Variants in LCOR observed in about 807,000 individuals in gnomAD.
LCOR encodes ligand dependent nuclear receptor corepressor, also known as ligand-dependent corepressor.
LCOR carries 14 observed loss-of-function variants against 64.4 expected under a neutral mutation model. The ratio of observed to expected loss-of-function variants is 0.22; its 90% CI spans 0.14 to 0.34. LCOR has a LOEUF of 0.34. Among genes scored for constraint, LCOR ranks in the 10% least tolerant of loss-of-function variants. The pLI is 1.00. For missense variants in LCOR, 1,686 were observed against 1,765.3 expected, an observed-to-expected ratio of 0.96 and a Z score of 0.80; for synonymous variants, 643 against 642.5, an observed-to-expected ratio of 1.00 and a Z score of -0.01.
chr10:96,877,354 A>G lies in LCOR; in HGVS notation c.-329-29911A>G, dbSNP rs76932421. Among the ~76,000 whole-genome samples the G allele has an allele frequency of 1.0e-2, 1,520 of 152,024 alleles. 22 individuals are homozygous for G. The highest frequency in any genetic ancestry group is 0.031 in the African/African-American group (1,299 of 41,474). On this transcript the variant is annotated intron_variant, in intron 2 of 7. Coordinates refer to ENST00000421806, the MANE Select transcript of LCOR (RefSeq NM_001346516.2). The stretch of plus-strand genomic sequence containing the variant: ...GACTGGGCAACATGGTGAAAACCCT[A>G]TCTCTACAAAACATTCAAAAATTAG...
rs754373599 is a variant in LCOR at position 96,983,798 on chromosome 10, A to C, written c.3338A>C (p.Asn1113Thr). 2 of 1,614,066 alleles carry C rather than the reference A, an allele frequency of 1.2e-6. No individual in the cohort carries two copies. The highest frequency in any genetic ancestry group is 4.5e-5 in the East Asian group (2 of 44,892). ...AEEENQELIA[N>T]FNAQYMKVQK... ...GAGGAGAACCAAGAGCTCATCGCCA[A>C]CTTCAATGCCCAGTACATGAAAGTT... is the stretch of plus-strand genomic sequence containing the variant. Residue 1113 changes from asparagine to threonine, a missense_variant, in exon 8 of 8, where the codon AAC (asparagine) becomes ACC (threonine). By Grantham distance (65) the Asn-to-Thr change is moderately conservative. This residue lies in a region of LCOR where 1,293 missense variants were observed against 1,410.4 expected (regional missense o/e 0.92). Coordinates refer to ENST00000421806, the MANE Select transcript of LCOR (RefSeq NM_001346516.2). This position sits in a 1 kb window ranked among gnomAD's most constrained non-coding sequence, Gnocchi z 4.5.
In LCOR at chr10:96,985,162, CTG is replaced by C; in HGVS notation, c.*30_*31del. 6.4e-7 allele frequency: 1 copy of C among 1,565,618 alleles called. No individual in the cohort carries two copies. On this transcript the variant is annotated 3_prime_UTR_variant, in exon 8 of 8. Transcript: ENST00000421806. ...GGAAAGATGGTAGCCAAGAGTAAAA[CTG>C]TTCTATAGAAGTAACCTTTTATTTT...
rs148837337 is a variant in LCOR, at chr10:96,938,179, G to A, written c.-183-5934G>A. 6.2e-3 allele frequency among the ~76,000 whole-genome samples: 936 copies of A among 152,138 alleles called. 3 individuals are homozygous for A. The highest frequency in any genetic ancestry group is 0.021 in the African/African-American group (881 of 41,492). On this transcript the variant is annotated intron_variant, in intron 4 of 7. Coordinates refer to ENST00000421806, the MANE Select transcript of LCOR (RefSeq NM_001346516.2). ...TCCCTATGTTGCCCAGGCTGGTCTC[G>A]AACTCCTGGGCTCAAGCGATCCTCC... is the stretch of plus-strand genomic sequence containing the variant.
intron 4 of LCOR, among the ~76,000 whole-genome samples, chr10:96,933,529 G>T (rs1847298467): frequency 6.6e-6 from 1 of 152,154 alleles, no homozygotes; most frequent in Non-Finnish European, 1.5e-5. Context: ...CAGATGGAAA[G>T]ACTCTTTTTG....
rs534082603 is a variant in LCOR, at chr10:96,864,811, C to A, written c.-330+31332C>A. Reference sequence around the variant, plus strand: ...ACAGTGACATGCTATAGGTTTGTAGCTTGCTAGCAATAGCCTAGGTGTGTA... The same window carrying A: ...ACAGTGACATGCTATAGGTTTGTAGATTGCTAGCAATAGCCTAGGTGTGTA... On this transcript the variant is annotated intron_variant, in intron 2 of 7. Coordinates refer to ENST00000421806, the MANE Select transcript of LCOR (RefSeq NM_001346516.2). 2.6e-5 allele frequency among the ~76,000 whole-genome samples: 4 copies of A among 152,316 alleles called. No homozygotes were observed. The South Asian group carries it at 8.3e-4, about 32-fold the overall frequency.
Position 96,991,744 on chromosome 10 carries a change from G to A in LCOR, c.*6610G>A, listed in dbSNP as rs1218122578. The A allele has an allele frequency of 1.3e-5, 2 of 152,152 alleles. No individual in the cohort carries two copies. The highest frequency in any genetic ancestry group is 4.8e-5 in the African/African-American group (2 of 41,410). 9.4% of individuals were successfully genotyped at this position (152,152 alleles called of 1,614,324 possible). On this transcript the variant is annotated 3_prime_UTR_variant, in exon 8 of 8. Coordinates refer to ENST00000421806, the MANE Select transcript of LCOR (RefSeq NM_001346516.2). ...GCAGCTTTAGACAGAACAAGTTCAG[G>A]GCTCTCCAGCCCAGCCCGAGTCACT...
intron 2 of LCOR, among the ~76,000 whole-genome samples, chr10:96,866,865 C>T (rs1394462723): frequency 3.3e-5 from 5 of 152,010 alleles, no homozygotes; most frequent in South Asian, 2.1e-4. Context: ...CTTCAGCCAC[C>T]GTGCCCAGCC....
chr10:96,961,825 A>G (rs1250519906), intron 7 of LCOR: 1 of 151,522 alleles, frequency 6.6e-6, no homozygotes, highest in East Asian at 1.9e-4. Flanking sequence ...GAGTGAAACA[A>G]CTTCTATTAT....
At chr10:96,926,277 A>G (rs1214498753) in intron 4 of LCOR, among the ~76,000 whole-genome samples, 1 of 152,214 alleles carries the variant, frequency 6.6e-6, no homozygotes, top group Non-Finnish European at 1.5e-5. Context: ...AAATGTCGTT[A>G]ACTCATAGCC....
intron 7 of LCOR, among the ~76,000 whole-genome samples, chr10:96,952,732 T>C (rs1242165385): frequency 6.6e-6 from 1 of 152,210 alleles, no homozygotes; most frequent in Non-Finnish European, 1.5e-5. Context: ...TTGCTCAGTT[T>C]TGATAACTCT....
In LCOR at chr10:96,993,741, GTTATA is replaced by G. The variant is rs1173174307; in HGVS notation, c.*8614_*8618del. ...CTGCCCCCTCTTCTCATCTGGTTAT[GTTATA>G]TTATATATATATATTATATATATAT... On this transcript the variant is annotated 3_prime_UTR_variant, in exon 8 of 8. Transcript: ENST00000421806. The G allele has an allele frequency of 1.4e-5, 2 of 147,306 alleles. No individual in the cohort carries two copies. Among genetic ancestry groups the G allele is most frequent in the African/African-American group, 5.0e-5 (2 of 39,830 alleles). The allele number at this position is 147,306 out of a possible 1,614,324, so 9.1% of individuals were successfully genotyped here. A position where few individuals can be genotyped will look rare whatever the true frequency, so the allele number is the denominator to read the frequency against.
At chr10:96,900,378 A>G (rs1589642673) in intron 2 of LCOR, among the ~76,000 whole-genome samples, 1 of 152,250 alleles carries the variant, frequency 6.6e-6, no homozygotes, top group Admixed American at 6.5e-5. Context: ...AAACCTGAAA[A>G]TAAGTAAATG....
Position 96,917,804 on chromosome 10 carries a change from T to C in LCOR, c.-184+10057T>C, listed in dbSNP as rs183296546. On this transcript the variant is annotated intron_variant, in intron 4 of 7. Transcript: ENST00000421806. Reference sequence around the variant, plus strand: ...TCGAAGCTTAGTGATTACGTAAATATATAAATAAGGGAGAGGAAAGTGATA... The same window carrying C: ...TCGAAGCTTAGTGATTACGTAAATACATAAATAAGGGAGAGGAAAGTGATA... 4.2e-4 allele frequency among the ~76,000 whole-genome samples: 64 copies of C among 152,302 alleles called. No individual in the cohort carries two copies. In the Middle Eastern group the frequency reaches 0.01, roughly 24 times the overall value.
At chr10:96,963,838 C>T (rs530084801) in intron 7 of LCOR, 4 of 152,278 alleles carry the variant, frequency 2.6e-5, no homozygotes, top group South Asian at 2.1e-4. Flanking sequence ...AAAATAAATT[C>T]TCTCCACATA....
At chr10:96,889,299 G>A (rs190056151) in intron 2 of LCOR, among the ~76,000 whole-genome samples, 5 of 152,116 alleles carry the variant, frequency 3.3e-5, no homozygotes, top group East Asian at 3.8e-4. Context: ...CATGTTGTAC[G>A]TATCAGTATT....
At position 96,988,536 on chromosome 10, in the gene LCOR, G is replaced by A. The variant is rs990356190; in HGVS notation, c.*3402G>A. On this transcript the variant is annotated 3_prime_UTR_variant, in exon 8 of 8. Transcript: ENST00000421806. Reference sequence around the variant, plus strand: ...AGGTGAATTTCTCACTGTTCAGATAGGTCATCAGTAAAAGGCATCACTTCA... The same window carrying A: ...AGGTGAATTTCTCACTGTTCAGATAAGTCATCAGTAAAAGGCATCACTTCA... The A allele has an allele frequency of 6.6e-6, 1 of 152,186 alleles. No homozygotes were observed. Among genetic ancestry groups the A allele is most frequent in the African/African-American group, 2.4e-5 (1 of 41,438 alleles). The allele number at this position is 152,186 out of a possible 1,614,324, so 9.4% of individuals were successfully genotyped here. A position where few individuals can be genotyped will look rare whatever the true frequency, so the allele number is the denominator to read the frequency against.
rs747833795 is a variant in LCOR at position 96,982,181 on chromosome 10, C to G, written c.1721C>G (p.Ser574Cys). ...NPEEPSKEIT[S>C]HEEGGGDVSP... The stretch of plus-strand genomic sequence containing the variant: ...GAAGAACCTAGCAAGGAAATCACCT[C>G]TCACGAGGAAGGAGGTGGAGACGTT... Residue 574 changes from serine to cysteine, a missense_variant, in exon 8 of 8, where the codon TCT becomes TGT. By Grantham distance (112) the Ser-to-Cys change is moderately radical. Coordinates refer to ENST00000421806, the MANE Select transcript of LCOR (RefSeq NM_001346516.2). 1.9e-6 allele frequency: 3 copies of G among 1,614,194 alleles called. No homozygotes were observed. Among genetic ancestry groups the G allele is most frequent in the South Asian group, 1.1e-5 (1 of 91,090 alleles).
chr10:96,944,260 AGAT>A lies in LCOR; in HGVS notation c.-51+19_-51+21del, dbSNP rs1461085553. 1.1e-5 allele frequency: 11 copies of A among 984,164 alleles called. No homozygotes were observed. In the Middle Eastern group the frequency reaches 2.6e-3, roughly 231 times the overall value. 61.0% of individuals were successfully genotyped at this position (984,164 alleles called of 1,614,324 possible). ...TTATAGAAAAGGTTGGTTTCAGTGA[AGAT>A]GATATTTAGCATCTGCTTGTCTTGT... is the stretch of plus-strand genomic sequence containing the variant. On this transcript the variant is annotated intron_variant, in intron 5 of 7. Coordinates refer to ENST00000421806, the MANE Select transcript of LCOR (RefSeq NM_001346516.2).
chr10:96,924,701 A>C (rs1564627693), intron 4 of LCOR, among the ~76,000 whole-genome samples: 1 of 152,070 alleles, frequency 6.6e-6, no homozygotes, highest in Admixed American at 6.6e-5. Context: ...CATAATTACT[A>C]CTTACAACGC....
Sources: allele counts gnomAD v4.1 joint callset (sites outside exome capture counted in the v4.1 genomes callset), GRCh38; gene constraint gnomAD v4.1.1; regional missense constraint gnomAD v4.1.1; non-coding constraint Gnocchi (gnomAD v3.1); transcripts MANE v1.5; gene names NCBI Gene and HGNC (gene_info 2026-07-23, HGNC 2026-07-21).